The following TAFA2 variants were observed in gnomAD, a reference collection of about 807,000 sequenced individuals.
TAFA2 encodes chemokine-like protein TAFA-2.
Under a neutral mutation model 18.8 loss-of-function variants are expected in TAFA2, and 7 were observed. The observed-to-expected ratio is 0.37, with a 90% CI of 0.21 to 0.70. The LOEUF (loss-of-function observed/expected upper bound fraction) is 0.70, where lower values mean the gene tolerates loss of function less well. TAFA2 is among the 30% of genes least tolerant of loss of function. TAFA2 has a pLI of 0.53. For synonymous variants in TAFA2, 60 were observed against 54.2 expected (o/e 1.11, Z -0.47); for missense variants, 122 against 158.1 (o/e 0.77, Z 1.23).
chr12:61,925,727 T>A (rs1877260515), intron 1 of TAFA2, among the ~76,000 whole-genome samples: 1 of 152,182 alleles, frequency 6.6e-6, no homozygotes, highest in Non-Finnish European at 1.5e-5. Context: ...TTTATAACAC[T>A]AAATGCCCAC....
chr12:61,940,016 A>G (rs1223642799), intron 1 of TAFA2, among the ~76,000 whole-genome samples: 3 of 152,218 alleles, frequency 2.0e-5, no homozygotes, highest in Admixed American at 1.3e-4. Flanking sequence ...AATGTATTTA[A>G]AGCCAATAGC....
intron 1 of TAFA2, among the ~76,000 whole-genome samples, chr12:62,202,712 C>G (rs1377945045): frequency 1.3e-5 from 2 of 149,764 alleles, no homozygotes; most frequent in Admixed American, 1.3e-4. Flanking sequence ...TACTTTGTCT[C>G]TTTGTTCTGA....
At chr12:62,239,163 T>C (rs1426839129) in intron 1 of TAFA2, among the ~76,000 whole-genome samples, 1 of 152,214 alleles carries the variant, frequency 6.6e-6, no homozygotes, top group Non-Finnish European at 1.5e-5. Flanking sequence ...CAATCTATAG[T>C]GAAGATAAAT....
intron 1 of TAFA2, among the ~76,000 whole-genome samples, chr12:62,155,479 C>A (rs1314740007): frequency 6.6e-6 from 1 of 152,058 alleles, no homozygotes; most frequent in Non-Finnish European, 1.5e-5. Flanking sequence ...AGAGAGCCCA[C>A]ATAGCCAAAT....
intron 2 of TAFA2, among the ~76,000 whole-genome samples, chr12:61,825,721 T>G (rs1045513006): frequency 2.6e-5 from 4 of 152,038 alleles, no homozygotes; most frequent in Non-Finnish European, 4.4e-5. Flanking sequence ...AAAGAGGAGC[T>G]CTAGTCTAAG....
intron 1 of TAFA2, among the ~76,000 whole-genome samples, chr12:62,026,612 C>T (rs2136738833): frequency 6.6e-6 from 1 of 152,152 alleles, no homozygotes. Context: ...TCATTCTGTC[C>T]AGCTTTGTTT....
intron 2 of TAFA2, among the ~76,000 whole-genome samples, chr12:61,775,094 A>G (rs1173286479): frequency 6.6e-6 from 1 of 151,830 alleles, no homozygotes; most frequent in East Asian, 1.9e-4. Context: ...GTCATCAGAT[A>G]AATGCAAACT....
intron 2 of TAFA2, among the ~76,000 whole-genome samples, chr12:61,821,204 C>T (rs1259580637): frequency 6.6e-6 from 1 of 151,522 alleles, no homozygotes; most frequent in African/African-American, 2.4e-5. Flanking sequence ...TTACCATCTA[C>T]ACTAATTGCT....
At chr12:62,021,472 TTC>T (rs1881134923) in intron 1 of TAFA2, 1 of 393,332 alleles carries the variant, frequency 2.5e-6, no homozygotes, top group Non-Finnish European at 4.7e-6. Context: ...CACTGCATCA[TTC>T]TTTTTTTTTT....
At chr12:61,915,685 G>A (rs1286921877) in intron 1 of TAFA2, among the ~76,000 whole-genome samples, 2 of 152,160 alleles carry the variant, frequency 1.3e-5, no homozygotes, top group African/African-American at 4.8e-5. Flanking sequence ...TGTGAGAGGG[G>A]AAGTTTAAGT....
chr12:62,213,742 T>A (rs1287126717), intron 1 of TAFA2, among the ~76,000 whole-genome samples: 1 of 152,186 alleles, frequency 6.6e-6, no homozygotes, highest in Non-Finnish European at 1.5e-5. Context: ...ACAATCCAAG[T>A]TAAATAATAA....
intron 1 of TAFA2, among the ~76,000 whole-genome samples, chr12:61,968,281 C>G (rs1435717672): frequency 6.6e-6 from 1 of 151,716 alleles, no homozygotes; most frequent in African/African-American, 2.4e-5. Context: ...GCTCTACAAG[C>G]ACTTCCATTA....
chr12:61,923,744 G>A (rs1019935401), intron 1 of TAFA2, among the ~76,000 whole-genome samples: 3 of 151,950 alleles, frequency 2.0e-5, no homozygotes, highest in Non-Finnish European at 4.4e-5. Context: ...TGAGTTTGAC[G>A]AACTGACAGA....
At chr12:61,843,630 G>C (rs1873282298) in intron 2 of TAFA2, among the ~76,000 whole-genome samples, 1 of 152,126 alleles carries the variant, frequency 6.6e-6, no homozygotes, top group African/African-American at 2.4e-5. Flanking sequence ...CCATTACATA[G>C]AAGAAATAGT....
intron 2 of TAFA2, among the ~76,000 whole-genome samples, chr12:61,833,430 A>G (rs1265002299): frequency 6.6e-6 from 1 of 151,966 alleles, no homozygotes; most frequent in East Asian, 1.9e-4. Context: ...TTATGAATTT[A>G]TCTCCATCTA....
chr12:62,248,370 C>T (rs1427448159), intron 1 of TAFA2, among the ~76,000 whole-genome samples: 1 of 152,202 alleles, frequency 6.6e-6, no homozygotes, highest in African/African-American at 2.4e-5. Flanking sequence ...AGGAGCTCGT[C>T]TATACATACA....
At chr12:61,831,084 T>C (rs1872704245) in intron 2 of TAFA2, among the ~76,000 whole-genome samples, 1 of 152,098 alleles carries the variant, frequency 6.6e-6, no homozygotes, top group East Asian at 1.9e-4. Flanking sequence ...CCTAGACAAA[T>C]GATTTAAATT....
At chr12:62,233,753 T>A (rs1376101720) in intron 1 of TAFA2, among the ~76,000 whole-genome samples, 1 of 152,148 alleles carries the variant, frequency 6.6e-6, no homozygotes, top group Non-Finnish European at 1.5e-5. Flanking sequence ...GGGTCAAAAA[T>A]GAGCCCCTTC....
chr12:62,184,231 A>G lies in TAFA2; in HGVS notation c.-2+7028T>C, dbSNP rs143583536. 1.1e-3 allele frequency among the ~76,000 whole-genome samples: 174 copies of G among 152,310 alleles called. 1 individual carries two copies. Among genetic ancestry groups the G allele is most frequent in the African/African-American group, 4.1e-3 (169 of 41,570 alleles). On this transcript the variant is annotated intron_variant, in intron 1 of 4. Coordinates refer to ENST00000416284, the MANE Select transcript of TAFA2 (RefSeq NM_178539.5). Reference sequence around the variant, plus strand: ...AATTTTGACCCAATTCTGAATGTATATTGATAAGCACACCAATCATCAGTC... The same window carrying G: ...AATTTTGACCCAATTCTGAATGTATGTTGATAAGCACACCAATCATCAGTC...
Sources: gnomAD v4.1 joint callset for allele counts (sites outside exome capture counted in the v4.1 genomes callset) on GRCh38, gnomAD v4.1.1 for gene constraint, MANE v1.5 for transcripts, NCBI Gene and HGNC (gene_info 2026-07-23, HGNC 2026-07-21) for gene names.